MAML2: variants seen among roughly 807,000 people sequenced by gnomAD.
MAML2 encodes mastermind-like protein 2.
MAML2 carries 22 observed loss-of-function variants against 96.1 expected under a neutral mutation model. The ratio of observed to expected loss-of-function variants is 0.23; its 90% CI spans 0.16 to 0.33. The LOEUF (loss-of-function observed/expected upper bound fraction) is 0.33, where lower values mean the gene tolerates loss of function less well. Among genes scored for constraint, MAML2 ranks in the 10% least tolerant of loss-of-function variants. The pLI is 1.00. For missense variants in MAML2, 1,367 were observed against 1,392.4 expected, an observed-to-expected ratio of 0.98 and a Z score of 0.29; for synonymous variants, 561 against 521.3, an observed-to-expected ratio of 1.08 and a Z score of -1.04.
intron 3 of MAML2, among the ~76,000 whole-genome samples, chr11:95,989,759 G>GAAAC: frequency 6.6e-6 from 1 of 152,114 alleles, no homozygotes. Context: ...TAAACCTTAT[G>GAAAC]GCAGTATTCA....
At chr11:96,246,597 C>T (rs1427985875) in intron 1 of MAML2, among the ~76,000 whole-genome samples, 1 of 152,100 alleles carries the variant, frequency 6.6e-6, no homozygotes, top group Non-Finnish European at 1.5e-5. Flanking sequence ...TGCTCAATCT[C>T]TTTAGTATAA....
At position 96,341,995 on chromosome 11, in the gene MAML2, T is replaced by C; in HGVS notation, c.-100A>G. ...TCTGTTTTTGACAATGTGAGCTCAG[T>C]GTTCAGGGCCACATGAATAGAGGTC... On this transcript the variant is annotated 5_prime_UTR_variant, in exon 1 of 5. Transcript: ENST00000524717. 4 of 1,200,578 alleles carry C rather than the reference T, an allele frequency of 3.3e-6. No individual in the cohort carries two copies. Among genetic ancestry groups the C allele is most frequent in the Non-Finnish European group, 4.5e-6 (4 of 884,938 alleles). The allele number at this position is 1,200,578 out of a possible 1,614,324, so 74.4% of individuals were successfully genotyped here. A position where few individuals can be genotyped will look rare whatever the true frequency, so the allele number is the denominator to read the frequency against.
intron 2 of MAML2, among the ~76,000 whole-genome samples, chr11:95,998,401 A>C (rs550163835): frequency 4.7e-4 from 72 of 152,318 alleles, no homozygotes; most frequent in Non-Finnish European, 8.8e-4. Flanking sequence ...TGCTTTGGAC[A>C]TGATGGGTTT....
chr11:96,341,601 C>T lies in MAML2; in HGVS notation c.295G>A (p.Ala99Thr), dbSNP rs1255507819. 2 of 1,551,714 alleles carry T rather than the reference C, an allele frequency of 1.3e-6. No individual in the cohort carries two copies. The highest frequency in any genetic ancestry group is 1.7e-6 in the Non-Finnish European group (2 of 1,147,054). The change falls in exon 1 of 5, where the codon GCT becomes ACT. Residue 99 changes from alanine to threonine, a missense_variant. Ala to Thr is a moderately conservative substitution (Grantham distance 58). Transcript: ENST00000524717. ...AGKHTKATAT[A>T]ATTTAPPPPP... ...GGTGGAGGGGCTGTAGTGGTGGCAGCAGTGGCGGTGGCCTTGGTGTGTTTG... is the reference window on the plus strand; with the variant it reads ...GGTGGAGGGGCTGTAGTGGTGGCAGTAGTGGCGGTGGCCTTGGTGTGTTTG...
intron 1 of MAML2, among the ~76,000 whole-genome samples, chr11:96,097,698 A>T (rs2135817958): frequency 6.6e-6 from 1 of 152,280 alleles, no homozygotes; most frequent in East Asian, 1.9e-4. Flanking sequence ...ATAAAATATA[A>T]TTTTTAATAT....
intron 1 of MAML2, among the ~76,000 whole-genome samples, chr11:96,201,207 A>C (rs523157): frequency 6.6e-6 from 1 of 151,922 alleles, no homozygotes; most frequent in Non-Finnish European, 1.5e-5. Flanking sequence ...AAACATTTCT[A>C]CTATGTAGAC....
chr11:96,049,024 T>C (rs1565199411), intron 2 of MAML2, among the ~76,000 whole-genome samples: 1 of 152,220 alleles, frequency 6.6e-6, no homozygotes, highest in East Asian at 1.9e-4. Context: ...GAAGAGCTAT[T>C]AAACTTTCCA....
intron 2 of MAML2, among the ~76,000 whole-genome samples, chr11:96,005,970 T>C (rs1038343972): frequency 2.0e-5 from 3 of 151,768 alleles, no homozygotes; most frequent in African/African-American, 7.3e-5. Context: ...GGTTGTCTAT[T>C]AGACATGGGA....
chr11:96,176,078 C>A (rs76013674), intron 1 of MAML2, among the ~76,000 whole-genome samples: 3 of 152,132 alleles, frequency 2.0e-5, no homozygotes, highest in Non-Finnish European at 2.9e-5. Flanking sequence ...CTATATCTAC[C>A]TTTTGAGGTA....
intron 1 of MAML2, among the ~76,000 whole-genome samples, chr11:96,252,256 T>G (rs1299981008): frequency 6.6e-6 from 1 of 151,914 alleles, no homozygotes; most frequent in Admixed American, 6.6e-5. Context: ...GTTCTGAAAA[T>G]GTACTACACA....
At chr11:96,193,496 T>C (rs1004738013) in intron 1 of MAML2, among the ~76,000 whole-genome samples, 48 of 152,226 alleles carry the variant, frequency 3.2e-4, no homozygotes, top group Admixed American at 3.1e-3. Flanking sequence ...GTTAAAGATA[T>C]GCTGATAGAT....
intron 1 of MAML2, among the ~76,000 whole-genome samples, chr11:96,242,141 A>T (rs1280893291): frequency 6.6e-6 from 1 of 152,242 alleles, no homozygotes; most frequent in Non-Finnish European, 1.5e-5. Flanking sequence ...CAATGCAAGC[A>T]CCAAACCAAG....
intron 1 of MAML2, among the ~76,000 whole-genome samples, chr11:96,142,605 A>C (rs999536111): frequency 6.6e-6 from 1 of 152,230 alleles, no homozygotes; most frequent in African/African-American, 2.4e-5. Flanking sequence ...TCTTTGCCCT[A>C]TATTTTGCAC....
chr11:96,252,765 C>T (rs2135967896), intron 1 of MAML2, among the ~76,000 whole-genome samples: 1 of 152,324 alleles, frequency 6.6e-6, no homozygotes, highest in South Asian at 2.1e-4. Context: ...GTGTAAACAG[C>T]TCACCTAGGT....
intron 1 of MAML2, among the ~76,000 whole-genome samples, chr11:96,210,841 T>C (rs12576530): frequency 6.6e-6 from 1 of 152,326 alleles, no homozygotes; most frequent in East Asian, 1.9e-4. Context: ...AGATATATTG[T>C]TCAACTTTTC....
At chr11:96,215,955 A>G (rs758604682) in intron 1 of MAML2, among the ~76,000 whole-genome samples, 25 of 152,282 alleles carry the variant, frequency 1.6e-4, no homozygotes, top group Non-Finnish European at 3.2e-4. Context: ...TCAAAAAATT[A>G]TTATCTAAAA....
At chr11:96,242,941 G>A (rs537473478) in intron 1 of MAML2, among the ~76,000 whole-genome samples, 118 of 152,092 alleles carry the variant, frequency 7.8e-4, no homozygotes, top group Non-Finnish European at 1.3e-3. Flanking sequence ...ATTACTGGCA[G>A]GAAACTTTAG....
In MAML2 at chr11:96,330,407, A is replaced by G. The variant is rs149368352; in HGVS notation, c.513+10976T>C. On this transcript the variant is annotated intron_variant, in intron 1 of 4. Transcript: ENST00000524717. ...CAGCTACTATTATCCTGAAAAGCAG[A>G]GTTATGAGGCTCAAAGACGTTAAGT... Among the ~76,000 whole-genome samples the G allele has an allele frequency of 5.9e-5, 9 of 152,304 alleles. No individual in the cohort carries two copies. In the South Asian group the frequency reaches 1.0e-3, roughly 18 times the overall value.
At chr11:96,104,156 T>C (rs1389931823) in intron 1 of MAML2, among the ~76,000 whole-genome samples, 2 of 152,162 alleles carry the variant, frequency 1.3e-5, no homozygotes, top group African/African-American at 2.4e-5. Context: ...TTAATTAGCT[T>C]CCAATTTTTA....
Sources: allele counts gnomAD v4.1 joint callset (sites outside exome capture counted in the v4.1 genomes callset), GRCh38; gene constraint gnomAD v4.1.1; transcripts MANE v1.5; gene names NCBI Gene and HGNC (gene_info 2026-07-23, HGNC 2026-07-21).